Variants in PER2 observed in about 807,000 individuals in gnomAD.
The protein encoded by PER2 is period circadian regulator 2.
Under a neutral mutation model 121.0 loss-of-function variants are expected in PER2, and 66 were observed. The observed-to-expected ratio is 0.55, with a 90% CI of 0.45 to 0.67. PER2 has a LOEUF of 0.67. Among genes scored for constraint, PER2 ranks in the 30% least tolerant of loss-of-function variants. PER2 has a pLI of 0.00. For synonymous variants in PER2, 684 were observed against 659.9 expected, an observed-to-expected ratio of 1.04 and a Z score of -0.56; for missense variants, 1,521 against 1,635.0, an observed-to-expected ratio of 0.93 and a Z score of 1.20.
chr2:238,283,992 G>C (rs140230577), intron 1 of PER2, among the ~76,000 whole-genome samples: 1 of 152,088 alleles, frequency 6.6e-6, no homozygotes, highest in Non-Finnish European at 1.5e-5. Context: ...ATGTGATCTC[G>C]GACAAGTTCC....
intron 6 of PER2, 48 bp downstream of exon 6, chr2:238,271,264 C>T: frequency 1.3e-6 from 2 of 1,547,124 alleles, no homozygotes; most frequent in South Asian, 2.2e-5. Context: ...AGCTCCTGGC[C>T]CCTTTCCCGA....
upstream of PER2, among the ~76,000 whole-genome samples, chr2:238,291,513 G>C (rs959516310): frequency 6.6e-6 from 1 of 152,232 alleles, no homozygotes; most frequent in Non-Finnish European, 1.5e-5. Context: ...AGGGCCAAAG[G>C]ACAGGCGGCT....
intron 4 of PER2, among the ~76,000 whole-genome samples, chr2:238,274,635 C>T (rs953193092): frequency 7.9e-5 from 12 of 152,346 alleles, no homozygotes; most frequent in East Asian, 5.8e-4. Context: ...CTGATCAGAA[C>T]GAACTTTCCC....
intron 18 of PER2, 173 bp downstream of exon 18, chr2:238,255,484 C>A (rs530994431): frequency 4.2e-6 from 3 of 720,138 alleles, no homozygotes; most frequent in Non-Finnish European, 4.9e-6. Flanking sequence ...GAGCACCCCC[C>A]CGGTGGGAAG....
intron 4 of PER2, among the ~76,000 whole-genome samples, chr2:238,274,396 T>C (rs1391911239): frequency 2.0e-5 from 3 of 152,246 alleles, no homozygotes; most frequent in Non-Finnish European, 4.4e-5. Context: ...TGCAATGTGG[T>C]GAGGAGACCT....
Position 238,265,553 on chromosome 2 carries a change from G to T in PER2, c.1005C>A (p.Thr335=). The T allele has an allele frequency of 6.2e-7, 1 of 1,611,366 alleles. No homozygotes were observed. The highest frequency in any genetic ancestry group is 1.1e-5 in the South Asian group (1 of 91,008). ...RIPPEKRIFT[T]THTPNCLFQD... is the part of the protein sequence containing the mutation. ...GGAACAAACAATTTGGTGTATGGGT[G>T]GTTGTAAAAATTCTCTTTTCAGGAG... The change falls in exon 9 of 23, where the codon ACC becomes ACA. Residue 335 remains threonine (T), a synonymous_variant. Transcript: ENST00000254657.
chr2:238,293,971 G>T (rs1424685227), upstream of PER2, among the ~76,000 whole-genome samples: 2 of 152,260 alleles, frequency 1.3e-5, no homozygotes, highest in East Asian at 3.9e-4. Flanking sequence ...TGGGCAGCCA[G>T]TACCCCTCAC....
At position 238,253,166 on chromosome 2, in the gene PER2, T is replaced by G; in HGVS notation, c.2857A>C (p.Thr953Pro). 1.9e-6 allele frequency: 3 copies of G among 1,592,756 alleles called. No homozygotes were observed. Among genetic ancestry groups the G allele is most frequent in the Non-Finnish European group, 2.6e-6 (3 of 1,166,738 alleles). Residue 953 changes from threonine (T) to proline (P), a missense_variant, in exon 19 of 23, where the codon ACC becomes CCC. Coordinates refer to ENST00000254657, the MANE Select transcript of PER2 (RefSeq NM_022817.3). This position sits in a 1 kb window ranked among gnomAD's most constrained non-coding sequence, Gnocchi z 5.6. ...SASQPEFPSR[T>P]SIPRQPCACP... ...GCACATGGCTGTCTGGGGATCGAGG[T>G]CCGGCTGGGGAACTCAGGCTGTGAG...
the PER2 span, chr2:238,295,856 C>T: frequency 5.0e-6 from 1 of 198,770 alleles, no homozygotes; most frequent in Non-Finnish European, 1.0e-5. Flanking sequence ...TGTTGGGGTG[C>T]ACAGAGGAAA....
At chr2:238,249,415 T>C (rs1695539422) in intron 21 of PER2, among the ~76,000 whole-genome samples, 1 of 152,222 alleles carries the variant, frequency 6.6e-6, no homozygotes, top group Admixed American at 6.5e-5. Context: ...GGTCAAGATT[T>C]AATTTTTCTG....
chr2:238,285,741 C>G (rs572164077), intron 1 of PER2, among the ~76,000 whole-genome samples: 2 of 121,704 alleles, frequency 1.6e-5, no homozygotes, highest in African/African-American at 5.2e-5. Context: ...CCATCTACCC[C>G]GCGGGGACTC....
Position 238,287,276 on chromosome 2 carries a change from A to C in PER2, c.-20+1073T>G, listed in dbSNP as rs1017100995. ...ACCACACAGCTTCCACTCAAAAAAA[A>C]CGGAGTCCCTTTCTTCATTATAGTC... On this transcript the variant is annotated intron_variant, in intron 1 of 22. Coordinates refer to ENST00000254657, the MANE Select transcript of PER2 (RefSeq NM_022817.3). Among the ~76,000 whole-genome samples the C allele has an allele frequency of 3.9e-5, 6 of 152,354 alleles. No homozygotes were observed. The East Asian group carries it at 9.6e-4, about 24-fold the overall frequency.
intron 1 of PER2, among the ~76,000 whole-genome samples, chr2:238,284,641 C>T (rs1157320178): frequency 6.6e-6 from 1 of 152,208 alleles, no homozygotes; most frequent in Non-Finnish European, 1.5e-5. Flanking sequence ...ACCATGCTGT[C>T]TGGGCCCCGG....
intron 5 of PER2, 59 bp from the exon 6 acceptor site, chr2:238,271,572 G>T: frequency 7.4e-7 from 1 of 1,342,700 alleles, no homozygotes; most frequent in Non-Finnish European, 1.1e-6. Flanking sequence ...CGCCACATCC[G>T]ACTCAGGCAG....
At chr2:238,269,137 A>G (rs1696204272) in intron 6 of PER2, among the ~76,000 whole-genome samples, 163 bp from the exon 7 acceptor site, 1 of 152,256 alleles carries the variant, frequency 6.6e-6, no homozygotes, top group South Asian at 2.1e-4. Flanking sequence ...GAAACCTTCT[A>G]TTACATTTTT....
At chr2:238,294,785 C>T (rs931148358), upstream of PER2, among the ~76,000 whole-genome samples, 2 of 152,198 alleles carry the variant, frequency 1.3e-5, no homozygotes, top group South Asian at 2.1e-4. Flanking sequence ...CAGGGAAGGC[C>T]GCAAAGTCAG....
At chr2:238,250,435 ATCTAAG>A in intron 21 of PER2, 110 bp downstream of exon 21, 1 of 761,716 alleles carries the variant, frequency 1.3e-6, no homozygotes. Context: ...ACTCAGCTAA[ATCTAAG>A]TCTTTCAGAG....
At chr2:238,281,726 C>A (rs902167751) in intron 1 of PER2, among the ~76,000 whole-genome samples, 2 of 152,214 alleles carry the variant, frequency 1.3e-5, no homozygotes, top group Non-Finnish European at 2.9e-5. Flanking sequence ...GGACTGATCA[C>A]ACTCAGCGTT....
In PER2 at chr2:238,268,848, G is replaced by A; in HGVS notation, c.824+75C>T. Reference sequence around the variant, plus strand: ...CTGCAGGCAGGGATCACGCCCCCCAGCCTCAAGCGGAGCAGTGCTGGGGTG... The same window carrying A: ...CTGCAGGCAGGGATCACGCCCCCCAACCTCAAGCGGAGCAGTGCTGGGGTG... On this transcript the variant is annotated intron_variant, in intron 7 of 22. Coordinates refer to ENST00000254657, the MANE Select transcript of PER2 (RefSeq NM_022817.3). This position sits in a 1 kb window ranked among gnomAD's most constrained non-coding sequence, Gnocchi z 4.0. The A allele has an allele frequency of 9.1e-7, 1 of 1,104,658 alleles. No individual in the cohort carries two copies. Among genetic ancestry groups the A allele is most frequent in the Non-Finnish European group, 1.4e-6 (1 of 715,948 alleles). 68.4% of individuals were successfully genotyped at this position (1,104,658 alleles called of 1,614,324 possible).
Sources: allele counts gnomAD v4.1 joint callset (sites outside exome capture counted in the v4.1 genomes callset), GRCh38; gene constraint gnomAD v4.1.1; non-coding constraint Gnocchi (gnomAD v3.1); transcripts MANE v1.5; gene names NCBI Gene and HGNC (gene_info 2026-07-23, HGNC 2026-07-21).